Variants in OR51D1 observed in about 807,000 individuals in gnomAD.
OR51D1 encodes olfactory receptor family 51 subfamily D member 1, also known as olfactory receptor 51D1.
For synonymous variants in OR51D1, 187 were observed against 161.1 expected (o/e 1.16, Z -1.22); for missense variants, 452 against 396.2 (o/e 1.14, Z -1.20).
In OR51D1 at chr11:4,641,140, A is replaced by C; in HGVS notation, c.*375A>C. On this transcript the variant is annotated 3_prime_UTR_variant, in exon 2 of 2. Transcript: ENST00000641817. ...TGTTGGTGAATTTGCATGGACTATA[A>C]ACGTTATTGCAAATACCCTAAAGTG... 4 of 195,952 alleles carry C rather than the reference A, an allele frequency of 2.0e-5. No individual in the cohort carries two copies. The highest frequency in any genetic ancestry group is 4.2e-5 in the Non-Finnish European group (4 of 95,504). The allele number at this position is 195,952 out of a possible 1,614,324, so 12.1% of individuals were successfully genotyped here.
At chr11:4,638,768 G>A (rs928679088) in intron 1 of OR51D1, among the ~76,000 whole-genome samples, 2 of 147,758 alleles carry the variant, frequency 1.4e-5, no homozygotes, top group African/African-American at 4.9e-5. Flanking sequence ...GGGGAAAGGG[G>A]CTTATCGTTT....
chr11:4,640,194 G>A lies in OR51D1; in HGVS notation c.404G>A (p.Arg135His), dbSNP rs61745314. The A allele has an allele frequency of 9.8e-4, 1,583 of 1,614,178 alleles. 12 individuals carry two copies. The African/African-American group carries it at 0.018, about 18-fold the overall frequency. ...SAVLLAMAFD[R>H]FVAICHPLRH... ...GTCCTGCTGGCCATGGCTTTTGACCGCTTTGTGGCCATTTGCCACCCATTG... is the reference window on the plus strand; with the variant it reads ...GTCCTGCTGGCCATGGCTTTTGACCACTTTGTGGCCATTTGCCACCCATTG... The change falls in exon 2 of 2, where the codon CGC (arginine) becomes CAC (histidine). Residue 135 changes from arginine to histidine, a missense_variant. Physicochemically the swap from Arg to His is conservative, Grantham distance 29 (BLOSUM62 0). Transcript: ENST00000641817.
In OR51D1 at chr11:4,640,789, C is replaced by T; in HGVS notation, c.*24C>T. 2.5e-6 allele frequency: 4 copies of T among 1,580,506 alleles called. No individual in the cohort carries two copies. The highest frequency in any genetic ancestry group is 1.7e-6 in the Non-Finnish European group (2 of 1,162,466). ...GAGACACCTTAGTGTCTCGCTTCTACTACTACTACAGAAGATGGGAATATT... is the reference window on the plus strand; with the variant it reads ...GAGACACCTTAGTGTCTCGCTTCTATTACTACTACAGAAGATGGGAATATT... On this transcript the variant is annotated 3_prime_UTR_variant, in exon 2 of 2. Transcript: ENST00000641817.
chr11:4,639,994 G>A lies in OR51D1; in HGVS notation c.204G>A (p.Leu68=). Residue 68 remains leucine (L), a synonymous_variant, in exon 2 of 2, where the codon CTG becomes CTA. Transcript: ENST00000641817. ...IVLIIRVERR[L]HEPMYLFLAM... ...TCATCATTCGTGTGGAGAGGCGACT[G>A]CATGAGCCCATGTACCTCTTCCTGG... The A allele has an allele frequency of 1.2e-6, 2 of 1,614,148 alleles. No individual in the cohort carries two copies. The highest frequency in any genetic ancestry group is 1.1e-5 in the South Asian group (1 of 91,072).
chr11:4,640,623 G>C lies in OR51D1; in HGVS notation c.833G>C (p.Gly278Ala). The C allele has an allele frequency of 6.3e-7, 1 of 1,586,316 alleles. No homozygotes were observed. The highest frequency in any genetic ancestry group is 8.6e-7 in the Non-Finnish European group (1 of 1,168,230). ...GGGCTCTCGGTGGTGCATAGGCTGG[G>C]TGGTCCCACCTCCCTCCTCCATGTG... ...LIGLSVVHRL[G>A]GPTSLLHVVM... Residue 278 changes from glycine to alanine, a missense_variant, in exon 2 of 2, where the codon GGT becomes GCT. By Grantham distance (60) the Gly-to-Ala change is moderately conservative. Coordinates refer to ENST00000641817, the MANE Select transcript of OR51D1 (RefSeq NM_001004751.3).
Position 4,640,121 on chromosome 11 carries a change from C to T in OR51D1, c.331C>T (p.Leu111=), listed in dbSNP as rs139569444. ...CCAGGAGATCGAGTTCAACATTTGC[C>T]TGGCCCAGATGTTCCTTATCCATGC... is the stretch of plus-strand genomic sequence containing the variant. ...GIQEIEFNIC[L]AQMFLIHALS... is the part of the protein sequence containing the mutation. The change falls in exon 2 of 2, where the codon CTG becomes TTG. Residue 111 remains leucine, a synonymous_variant. Coordinates refer to ENST00000641817, the MANE Select transcript of OR51D1 (RefSeq NM_001004751.3). 702 of 1,614,222 alleles carry T rather than the reference C, an allele frequency of 4.3e-4. No individual in the cohort carries two copies. Among genetic ancestry groups the T allele is most frequent in the South Asian group, 1.1e-3 (98 of 91,082 alleles).
At position 4,640,372 on chromosome 11, in the gene OR51D1, C is replaced by T. The variant is rs150588812; in HGVS notation, c.582C>T (p.His194=). 3 of 1,614,222 alleles carry T rather than the reference C, an allele frequency of 1.9e-6. No homozygotes were observed. The highest frequency in any genetic ancestry group is 2.5e-6 in the Non-Finnish European group (3 of 1,180,038). ...CTGTCACACACTCCTTCTGTCTGCA[C>T]CAAGATATTATGAAGCTGTCCTGTA... is the stretch of plus-strand genomic sequence containing the variant. ...THTVTHSFCL[H]QDIMKLSCTD... is the part of the protein sequence containing the mutation. The change falls in exon 2 of 2, where the codon CAC becomes CAT. Residue 194 remains histidine, a synonymous_variant. Coordinates refer to ENST00000641817, the MANE Select transcript of OR51D1 (RefSeq NM_001004751.3).
chr11:4,640,564 C>T lies in OR51D1; in HGVS notation c.774C>T (p.Leu258=). The change falls in exon 2 of 2, where the codon CTC becomes CTT. Residue 258 remains leucine, a synonymous_variant. Transcript: ENST00000641817. ...LKAFNTCISH[L]CAVLVFYVPL... Reference sequence around the variant, plus strand: ...CTTTCAACACCTGCATCTCCCACCTCTGTGCTGTTCTGGTCTTCTATGTAC... The same window carrying T: ...CTTTCAACACCTGCATCTCCCACCTTTGTGCTGTTCTGGTCTTCTATGTAC... The T allele has an allele frequency of 1.2e-6, 2 of 1,613,700 alleles. No individual in the cohort carries two copies. The highest frequency in any genetic ancestry group is 1.7e-6 in the Non-Finnish European group (2 of 1,179,948).
At chr11:4,639,701 T>G in intron 1 of OR51D1, 76 bp from the exon 2 acceptor site, 1 of 1,403,218 alleles carries the variant, frequency 7.1e-7, no homozygotes, top group South Asian at 1.4e-5. Flanking sequence ...CTCCAATGCC[T>G]TTTCCTCATT....
In OR51D1 at chr11:4,640,025, C is replaced by G. The variant is rs375578443; in HGVS notation, c.235C>G (p.Leu79Val). The stretch of plus-strand genomic sequence containing the variant: ...GCCCATGTACCTCTTCCTGGCCATG[C>G]TTTCCACTATTGACCTAGTCCTCTC... Reference protein sequence around the residue: ...HEPMYLFLAMLSTIDLVLSSI... With the variant: ...HEPMYLFLAMVSTIDLVLSSI... The change falls in exon 2 of 2, where the codon CTT becomes GTT. Residue 79 changes from leucine to valine, a missense_variant. By Grantham distance (32) the Leu-to-Val change is conservative (BLOSUM62 1). Coordinates refer to ENST00000641817, the MANE Select transcript of OR51D1 (RefSeq NM_001004751.3). 59 of 1,614,064 alleles carry G rather than the reference C, an allele frequency of 3.7e-5. No homozygotes were observed. The highest frequency in any genetic ancestry group is 3.3e-4 in the Middle Eastern group (2 of 6,084).
chr11:4,639,942 C>A lies in OR51D1; in HGVS notation c.152C>A (p.Ala51Asp). Residue 51 changes from alanine to aspartate, a missense_variant, in exon 2 of 2, where the codon GCC (alanine) becomes GAC (aspartate). Ala to Asp is a moderately radical substitution (Grantham distance 126). Coordinates refer to ENST00000641817, the MANE Select transcript of OR51D1 (RefSeq NM_001004751.3). Reference protein sequence around the residue: ...AFPLCFMYALATLGNLTIVLI... With the variant: ...AFPLCFMYALDTLGNLTIVLI... The stretch of plus-strand genomic sequence containing the variant: ...CCACTGTGTTTTATGTATGCCTTGG[C>A]CACCCTGGGTAACCTGACCATTGTC... 1 of 1,614,150 alleles carries A rather than the reference C, an allele frequency of 6.2e-7. No individual in the cohort carries two copies.
rs1394715 is a variant in OR51D1, at chr11:4,637,691, G to C, written c.-77G>C. 0.28 allele frequency: 43,316 copies of C among 152,186 alleles called. 7,825 individuals are homozygous for C. Among genetic ancestry groups the C allele is most frequent in the Non-Finnish European group, 0.42 (28,308 of 68,026 alleles). The allele number at this position is 152,186 out of a possible 1,614,324, so 9.4% of individuals were successfully genotyped here. ...GCCTGTGAGACCCGTTCCAAGCTTT[G>C]CCTATCCTTTGTCCCAGGACAGGAC... On this transcript the variant is annotated 5_prime_UTR_variant, in exon 1 of 2. Transcript: ENST00000641817.
chr11:4,640,794 A>G lies in OR51D1; in HGVS notation c.*29A>G. ...ACCTTAGTGTCTCGCTTCTACTACT[A>G]CTACAGAAGATGGGAATATTAGGAT... is the stretch of plus-strand genomic sequence containing the variant. On this transcript the variant is annotated 3_prime_UTR_variant, in exon 2 of 2. Coordinates refer to ENST00000641817, the MANE Select transcript of OR51D1 (RefSeq NM_001004751.3). The G allele has an allele frequency of 1.3e-6, 2 of 1,569,166 alleles. No homozygotes were observed. Among genetic ancestry groups the G allele is most frequent in the Non-Finnish European group, 1.7e-6 (2 of 1,156,630 alleles).
At position 4,638,951 on chromosome 11, in the gene OR51D1, C is replaced by A. The variant is rs533313292; in HGVS notation, c.-14-826C>A. Among the ~76,000 whole-genome samples the A allele has an allele frequency of 2.8e-4, 43 of 152,210 alleles. No individual in the cohort carries two copies. The South Asian group carries it at 7.7e-3, about 27-fold the overall frequency. Reference sequence around the variant, plus strand: ...GGGATTACAGGTGCGCTCCACCAAGCCTGGCTAACTTTTGCATTTTTAATA... The same window carrying A: ...GGGATTACAGGTGCGCTCCACCAAGACTGGCTAACTTTTGCATTTTTAATA... On this transcript the variant is annotated intron_variant, in intron 1 of 1. Coordinates refer to ENST00000641817, the MANE Select transcript of OR51D1 (RefSeq NM_001004751.3).
chr11:4,640,684 A>G lies in OR51D1; in HGVS notation c.894A>G (p.Val298=). 6.2e-7 allele frequency: 1 copy of G among 1,613,772 alleles called. No individual in the cohort carries two copies. The highest frequency in any genetic ancestry group is 8.5e-7 in the Non-Finnish European group (1 of 1,179,936). The change falls in exon 2 of 2, where the codon GTA becomes GTG. Residue 298 remains valine (V), a synonymous_variant. Transcript: ENST00000641817. The stretch of plus-strand genomic sequence containing the variant: ...ATACCTACTTGCTGCTACCACCTGT[A>G]GTCAACCCCCTTGTCTATGGAGCCA... ...MANTYLLLPP[V]VNPLVYGAKT...
Position 4,640,103 on chromosome 11 carries a change from A to G in OR51D1, c.313A>G (p.Ile105Val). Residue 105 changes from isoleucine (I) to valine (V), a missense_variant, in exon 2 of 2, where the codon ATC becomes GTC. Ile to Val is a conservative substitution (Grantham distance 29). Transcript: ENST00000641817. ...TCTTTTCCTGATGGGCATCCAGGAGATCGAGTTCAACATTTGCCTGGCCCA... is the reference window on the plus strand; with the variant it reads ...TCTTTTCCTGATGGGCATCCAGGAGGTCGAGTTCAACATTTGCCTGGCCCA... ...ASLFLMGIQE[I>V]EFNICLAQMF... 1 of 1,614,136 alleles carries G rather than the reference A, an allele frequency of 6.2e-7. No individual in the cohort carries two copies. Among genetic ancestry groups the G allele is most frequent in the Non-Finnish European group, 8.5e-7 (1 of 1,180,020 alleles).
Position 4,639,650 on chromosome 11 carries a change from G to A in OR51D1, c.-14-127G>A, listed in dbSNP as rs1216112745. The A allele has an allele frequency of 4.7e-6, 4 of 855,740 alleles. No individual in the cohort carries two copies. In the African/African-American group the frequency reaches 6.8e-5, roughly 14 times the overall value. The allele number at this position is 855,740 out of a possible 1,614,324, so 53.0% of individuals were successfully genotyped here. A position where few individuals can be genotyped will look rare whatever the true frequency, so the allele number is the denominator to read the frequency against. ...CAGAGCAGAGAGAGACTAGGGTTCA[G>A]AATTACCAGGATGACTTAGTCCTGT... is the stretch of plus-strand genomic sequence containing the variant. On this transcript the variant is annotated intron_variant, in intron 1 of 1. Transcript: ENST00000641817.
chr11:4,638,910 A>C (rs1167842921), intron 1 of OR51D1, among the ~76,000 whole-genome samples: 1 of 152,108 alleles, frequency 6.6e-6, no homozygotes, highest in East Asian at 1.9e-4. Flanking sequence ...CTCCTGCCTC[A>C]GCCTCCTGAG....
In OR51D1 at chr11:4,639,875, AT is replaced by A. The variant is rs753800358; in HGVS notation, c.86del (p.Ile29ThrfsTer28). On this transcript the variant is annotated frameshift_variant, in exon 2 of 2. Transcript: ENST00000641817. LOFTEE classifies it high-confidence loss of function. ...CGCAGCATACTTCCTTTTGGTGGGT[AT>A]CCCTGGCCTGGGGCCTACCATACAC... ...VHAAYFLLVGIPGLGPTIHFW... is the reference protein window; with the variant it reads ...VHAAYFLLVGXPGLGPTIHFW... 4.3e-6 allele frequency: 7 copies of A among 1,614,106 alleles called. No homozygotes were observed. The highest frequency in any genetic ancestry group is 5.9e-6 in the Non-Finnish European group (7 of 1,180,050).
Sources: gnomAD v4.1 joint callset for allele counts (sites outside exome capture counted in the v4.1 genomes callset) on GRCh38, gnomAD v4.1.1 for gene constraint, MANE v1.5 for transcripts, NCBI Gene and HGNC (gene_info 2026-07-23, HGNC 2026-07-21) for gene names.